CSMD2: variants seen among roughly 807,000 people sequenced by gnomAD.
The protein encoded by CSMD2 is CUB and Sushi multiple domains 2.
Under a neutral mutation model 398.5 loss-of-function variants are expected in CSMD2, and 130 were observed. That is an observed-to-expected ratio of 0.33 (90% confidence interval 0.28 to 0.38). The LOEUF (loss-of-function observed/expected upper bound fraction) is 0.38. CSMD2 is among the 10% of genes least tolerant of loss of function. The probability of loss-of-function intolerance (pLI) is 1.00; values close to 1 mark genes in which losing one functional copy is unlikely to be tolerated. For missense variants in CSMD2, 3,829 were observed against 4,764.9 expected (o/e 0.80, Z 5.78); for synonymous variants, 1,828 against 1,908.5 (o/e 0.96, Z 1.10).
intron 12 of CSMD2, among the ~76,000 whole-genome samples, chr1:33,774,532 G>T (rs193029482): frequency 1.2e-3 from 184 of 152,286 alleles, no homozygotes; most frequent in African/African-American, 4.3e-3. Context: ...GGATGCGAGA[G>T]CCTGGGGTGT....
At chr1:33,621,036 C>G (rs1641738635) in intron 37 of CSMD2, among the ~76,000 whole-genome samples, 1 of 152,136 alleles carries the variant, frequency 6.6e-6, no homozygotes, top group Non-Finnish European at 1.5e-5. Flanking sequence ...GCCAACCATG[C>G]CTTCCTGCAT....
intron 5 of CSMD2, among the ~76,000 whole-genome samples, chr1:33,855,100 G>T (rs151250997): frequency 7.0e-4 from 106 of 152,248 alleles, no homozygotes; most frequent in Non-Finnish European, 1.3e-3. Context: ...CCAAGCTCTG[G>T]GTGAAGAGGC....
intron 44 of CSMD2, chr1:33,600,090 G>A: frequency 2.9e-6 from 2 of 686,722 alleles, no homozygotes; most frequent in Non-Finnish European, 5.3e-6. Flanking sequence ...ATTCTTACAG[G>A]TCACAAACTC....
At chr1:34,032,306 A>T (rs1352932985) in intron 3 of CSMD2, among the ~76,000 whole-genome samples, 1 of 152,232 alleles carries the variant, frequency 6.6e-6, no homozygotes, top group African/African-American at 2.4e-5. Flanking sequence ...CAGAATTAAA[A>T]AAATAAAAAC....
chr1:33,578,986 T>C (rs1454869904), intron 48 of CSMD2, among the ~76,000 whole-genome samples: 1 of 152,236 alleles, frequency 6.6e-6, no homozygotes, highest in Non-Finnish European at 1.5e-5. Context: ...TTGTAAAATA[T>C]ACTTAGTCAC....
chr1:33,886,781 T>A lies in CSMD2; in HGVS notation c.920+31313A>T, dbSNP rs148162186. ...AAGTCATTCCTAATTGCAGCATGTT[T>A]TTCAGGGGAAGTCTCCAAAGCTGTT... On this transcript the variant is annotated intron_variant, in intron 5 of 70. Transcript: ENST00000373381. 3.5e-4 allele frequency among the ~76,000 whole-genome samples: 54 copies of A among 152,352 alleles called. No individual in the cohort carries two copies. The East Asian group carries it at 8.9e-3, about 25-fold the overall frequency.
chr1:33,994,835 T>C (rs1570750369), intron 3 of CSMD2, among the ~76,000 whole-genome samples: 1 of 151,768 alleles, frequency 6.6e-6, no homozygotes, highest in African/African-American at 2.4e-5. Context: ...GGAGGCCGAG[T>C]TGGGTGGATC....
At chr1:34,036,669 C>T (rs1072150) in intron 2 of CSMD2, among the ~76,000 whole-genome samples, 6,952 of 152,182 alleles carry the variant, frequency 0.046, 250 homozygotes, top group East Asian at 0.14. Context: ...GCACCAGTGG[C>T]AGTGTGCTGG....
chr1:34,017,958 A>G (rs1421136857), intron 3 of CSMD2, among the ~76,000 whole-genome samples: 1 of 152,130 alleles, frequency 6.6e-6, no homozygotes, highest in African/African-American at 2.4e-5. Flanking sequence ...TTTGAGTGTT[A>G]GTTTACTCTG....
chr1:33,698,766 C>T lies in CSMD2; in HGVS notation c.3912G>A (p.Leu1304=), dbSNP rs370120854. 3.1e-5 allele frequency: 50 copies of T among 1,612,484 alleles called. No individual in the cohort carries two copies. The South Asian group carries it at 5.3e-4, about 17-fold the overall frequency. Residue 1304 remains leucine, a synonymous_variant, in exon 24 of 71, where the codon CTG becomes CTA. Transcript: ENST00000373381. The part of the protein sequence containing the change: ...SGERRTWDRP[L]PTCVAECGGT... ...GAGCCCTCCTACCGACACAGGTGGG[C>T]AGAGGCCGGTCCCAGGTCCGGCGCT...
At chr1:33,819,474 T>C (rs1657852636) in intron 9 of CSMD2, among the ~76,000 whole-genome samples, 2 of 152,220 alleles carry the variant, frequency 1.3e-5, no homozygotes, top group African/African-American at 4.8e-5. Flanking sequence ...GTAAGGTCCA[T>C]GCAGGGCAAG....
chr1:33,762,700 C>G, intron 13 of CSMD2, among the ~76,000 whole-genome samples: 1 of 151,318 alleles, frequency 6.6e-6, no homozygotes, highest in Non-Finnish European at 1.5e-5. Flanking sequence ...TTTTCTTCCT[C>G]TACATTCTGG....
In CSMD2 at chr1:33,833,351, G is replaced by A. The variant is rs376689429; in HGVS notation, c.1034-7577C>T. Among the ~76,000 whole-genome samples the A allele has an allele frequency of 4.4e-3, 637 of 143,370 alleles. 28 individuals carry two copies. In the East Asian group the frequency reaches 0.095, roughly 21 times the overall value. 94.1% of individuals were successfully genotyped at this position (143,370 alleles called of 152,430 possible). A position where few individuals can be genotyped will look rare whatever the true frequency, so the allele number is the denominator to read the frequency against. On this transcript the variant is annotated intron_variant, in intron 6 of 70. Coordinates refer to ENST00000373381, the MANE Select transcript of CSMD2 (RefSeq NM_001281956.2). ...GGGATGCAAGGCTGGTTCAATATAC[G>A]CAAATCAATAAATGTAATCCAGCAT...
chr1:34,004,462 T>C (rs1170914286), intron 3 of CSMD2, among the ~76,000 whole-genome samples: 2 of 152,160 alleles, frequency 1.3e-5, no homozygotes, highest in Admixed American at 6.5e-5. Flanking sequence ...TCAAGGTTTT[T>C]TTTTGTTTGT....
chr1:34,093,072 G>A (rs1327122108), intron 1 of CSMD2, among the ~76,000 whole-genome samples: 5 of 152,204 alleles, frequency 3.3e-5, no homozygotes, highest in African/African-American at 1.2e-4. Flanking sequence ...AGAACTGGCA[G>A]ACTGCCTCCT....
intron 31 of CSMD2, among the ~76,000 whole-genome samples, chr1:33,634,153 G>T (rs1219999461): frequency 6.6e-6 from 1 of 152,218 alleles, no homozygotes; most frequent in Admixed American, 6.5e-5. Flanking sequence ...ATATTGGGGA[G>T]TGTGTGTACA....
intron 5 of CSMD2, among the ~76,000 whole-genome samples, chr1:33,875,854 T>C (rs907543753): frequency 1.3e-5 from 2 of 152,220 alleles, no homozygotes; most frequent in Non-Finnish European, 2.9e-5. Flanking sequence ...ATAATGTTCT[T>C]GTTTTTGTCT....
At chr1:33,831,683 G>A (rs1659582961) in intron 6 of CSMD2, among the ~76,000 whole-genome samples, 1 of 152,034 alleles carries the variant, frequency 6.6e-6, no homozygotes, top group Non-Finnish European at 1.5e-5. Flanking sequence ...AATGTAAATG[G>A]ACTAAATGCT....
intron 6 of CSMD2, among the ~76,000 whole-genome samples, chr1:33,829,512 G>C (rs1659231142): frequency 6.6e-6 from 1 of 152,010 alleles, no homozygotes; most frequent in Non-Finnish European, 1.5e-5. Context: ...TTTAACATTA[G>C]GTATATCTGG....
Sources: gnomAD v4.1 joint callset for allele counts (sites outside exome capture counted in the v4.1 genomes callset) on GRCh38, gnomAD v4.1.1 for gene constraint, MANE v1.5 for transcripts, NCBI Gene and HGNC (gene_info 2026-07-23, HGNC 2026-07-21) for gene names.